Variants in PPIP5K2 observed in about 807,000 individuals in gnomAD.
The protein encoded by PPIP5K2 is diphosphoinositol pentakisphosphate kinase 2.
Under a neutral mutation model 154.6 loss-of-function variants are expected in PPIP5K2, and 105 were observed. The ratio of observed to expected loss-of-function variants is 0.68; its 90% CI spans 0.58 to 0.80. PPIP5K2 has a LOEUF of 0.80. Among genes scored for constraint, PPIP5K2 ranks in the 30% least tolerant of loss-of-function variants. PPIP5K2 has a pLI of 0.00. For synonymous variants in PPIP5K2, 480 were observed against 490.3 expected (o/e 0.98, Z 0.28); for missense variants, 992 against 1,504.6 (o/e 0.66, Z 5.64).
intron 26 of PPIP5K2, 55 bp downstream of exon 26, chr5:103,184,799 C>T: frequency 7.2e-7 from 1 of 1,387,408 alleles, no homozygotes; most frequent in Non-Finnish European, 1.0e-6. Context: ...CACTATTGTG[C>T]ACACATGTAA....
intron 1 of PPIP5K2, among the ~76,000 whole-genome samples, chr5:103,126,622 A>G (rs1487001007): frequency 2.0e-5 from 3 of 152,174 alleles, no homozygotes; most frequent in African/African-American, 7.2e-5. Flanking sequence ...GCTGAGGAGC[A>G]TGGAAGCCAA....
intron 13 of PPIP5K2, among the ~76,000 whole-genome samples, chr5:103,155,346 T>C (rs1252705178): frequency 6.7e-6 from 1 of 150,146 alleles, no homozygotes; most frequent in African/African-American, 2.4e-5. Flanking sequence ...TTCCTTTATT[T>C]CTTAAAACAC....
At chr5:103,160,069 T>A (rs1795985831) in intron 17 of PPIP5K2, among the ~76,000 whole-genome samples, 2 of 152,204 alleles carry the variant, frequency 1.3e-5, no homozygotes, top group Non-Finnish European at 2.9e-5. Context: ...GTCTTCTAGG[T>A]TCATCCATGT....
chr5:103,142,189 A>G (rs887114828), intron 5 of PPIP5K2, among the ~76,000 whole-genome samples: 35 of 152,334 alleles, frequency 2.3e-4, no homozygotes, highest in African/African-American at 8.4e-4. Context: ...GCGGGAAGGC[A>G]GCTAAGGCTC....
At chr5:103,162,823 T>C (rs1796521056) in intron 17 of PPIP5K2, among the ~76,000 whole-genome samples, 1 of 152,172 alleles carries the variant, frequency 6.6e-6, no homozygotes, top group Admixed American at 6.5e-5. Flanking sequence ...TGTTTTGCTC[T>C]TCACATTTAT....
rs2149894629 is a variant in PPIP5K2 at position 103,210,326 on chromosome 5, G to C, written c.*8692G>C. 6.6e-6 allele frequency: 1 copy of C among 152,256 alleles called. No homozygotes were observed. The highest frequency in any genetic ancestry group is 6.5e-5 in the Admixed American group (1 of 15,274). The allele number at this position is 152,256 out of a possible 1,614,324, so 9.4% of individuals were successfully genotyped here. A position where few individuals can be genotyped will look rare whatever the true frequency, so the allele number is the denominator to read the frequency against. On this transcript the variant is annotated 3_prime_UTR_variant, in exon 31 of 31. Transcript: ENST00000358359. ...TTTCCACAGGCTGAGCAAGAGGATA[G>C]ATCATTGAATAGATGCTTTAATTCC... is the stretch of plus-strand genomic sequence containing the variant.
rs1362088512 is a variant in PPIP5K2 at position 103,210,413 on chromosome 5, A to AT, written c.*8785dup. 5 of 152,026 alleles carry AT rather than the reference A, an allele frequency of 3.3e-5. No individual in the cohort carries two copies. Among genetic ancestry groups the AT allele is most frequent in the Non-Finnish European group, 7.4e-5 (5 of 67,972 alleles). The allele number at this position is 152,026 out of a possible 1,614,324, so 9.4% of individuals were successfully genotyped here. The stretch of plus-strand genomic sequence containing the variant: ...TATATTTAACCATGAGGTTATGATG[A>AT]TTTTTTCTCTACACTTTTTGAGAAG... On this transcript the variant is annotated 3_prime_UTR_variant, in exon 31 of 31. Transcript: ENST00000358359.
rs142649063 is a variant in PPIP5K2, at chr5:103,159,265, G to A, written c.1857G>A (p.Val619=). 30 of 1,613,538 alleles carry A rather than the reference G, an allele frequency of 1.9e-5. No homozygotes were observed. The African/African-American group carries it at 3.6e-4, about 19-fold the overall frequency. The change falls in exon 17 of 31, where the codon GTG becomes GTA. Residue 619 remains valine, a synonymous_variant. Transcript: ENST00000358359. The stretch of plus-strand genomic sequence containing the variant: ...CTCTGAGCAGTTGTCAGCAACGTGT[G>A]AAGGCAAGGCTTCATGAAATACTTC... The part of the protein sequence containing the change: ...SDSLSSCQQR[V]KARLHEILQK...
intron 5 of PPIP5K2, among the ~76,000 whole-genome samples, chr5:103,140,313 T>A (rs1792344662): frequency 6.6e-6 from 1 of 152,134 alleles, no homozygotes; most frequent in Admixed American, 6.5e-5. Flanking sequence ...CATAGAAGAA[T>A]ATGAAGATTT....
intron 24 of PPIP5K2, among the ~76,000 whole-genome samples, chr5:103,181,717 T>G (rs935236001): frequency 6.6e-6 from 1 of 152,166 alleles, no homozygotes; most frequent in East Asian, 1.9e-4. Flanking sequence ...AGGTATAGCA[T>G]TTTTTAGCAT....
intron 29 of PPIP5K2, 60 bp downstream of exon 29, chr5:103,191,042 G>A: frequency 6.7e-7 from 1 of 1,485,552 alleles, no homozygotes; most frequent in Non-Finnish European, 9.2e-7. Flanking sequence ...TACTATCTGA[G>A]TATAACAGGA....
chr5:103,186,901 GATCCTCTTAATGTTGTTAAT>G (rs1413098980), intron 27 of PPIP5K2, among the ~76,000 whole-genome samples: 126 of 152,212 alleles, frequency 8.3e-4, no homozygotes, highest in African/African-American at 3.0e-3. Context: ...AGCTGAAGGA[GATCCTCTTAATGTTGTTAAT>G]ATACCTTAAG....
chr5:103,194,008 C>T (rs1554227675), intron 29 of PPIP5K2, among the ~76,000 whole-genome samples: 2 of 152,192 alleles, frequency 1.3e-5, no homozygotes, highest in African/African-American at 4.8e-5. Context: ...TAAATTTCAA[C>T]TGGCTAATAT....
intron 3 of PPIP5K2, chr5:103,135,914 G>A (rs1179934263): frequency 2.7e-5 from 4 of 149,130 alleles, no homozygotes; most frequent in Non-Finnish European, 5.9e-5. Context: ...GCATGATTCT[G>A]CTCATATATT....
chr5:103,164,427 A>G (rs1213056481), intron 17 of PPIP5K2, among the ~76,000 whole-genome samples: 2 of 151,988 alleles, frequency 1.3e-5, no homozygotes, highest in Non-Finnish European at 2.9e-5. Flanking sequence ...CTGATTCTCG[A>G]AATTAATAAC....
chr5:103,155,406 CTTTTTTTTTTTTTTTTTT>C (rs70990423), intron 13 of PPIP5K2, among the ~76,000 whole-genome samples: 375 of 21,082 alleles, frequency 0.018, 2 homozygotes, highest in African/African-American at 0.024. Flanking sequence ...TCAGAGTTGT[CTTTTTTTTTTTTTTTTTT>C]TTTTTTTTTT....
chr5:103,152,900 A>C (rs1179167691), intron 10 of PPIP5K2, 151 bp downstream of exon 10: 1 of 520,146 alleles, frequency 1.9e-6, no homozygotes, highest in African/African-American at 2.0e-5. Context: ...GATTATACGT[A>C]TTTATAAGGG....
At chr5:103,122,860 G>T (rs1394414425) in intron 1 of PPIP5K2, among the ~76,000 whole-genome samples, 1 of 152,162 alleles carries the variant, frequency 6.6e-6, no homozygotes. Context: ...AATACTAGGT[G>T]GGACTGATGG....
chr5:103,190,838 C>T lies in PPIP5K2; in HGVS notation c.3353-4C>T. On this transcript the variant is annotated splice_region_variant and splice_polypyrimidine_tract_variant and intron_variant, in intron 28 of 30. Transcript: ENST00000358359. ...TTTTTGTTTTTGGTTTTTTTCTCTT[C>T]TAGGCTTTGAATTGTATTCCATGGT... The T allele has an allele frequency of 1.3e-6, 2 of 1,570,038 alleles. No homozygotes were observed. The highest frequency in any genetic ancestry group is 1.7e-6 in the Non-Finnish European group (2 of 1,164,414).
Sources: gnomAD v4.1 joint callset for allele counts (sites outside exome capture counted in the v4.1 genomes callset) on GRCh38, gnomAD v4.1.1 for gene constraint, MANE v1.5 for transcripts, NCBI Gene and HGNC (gene_info 2026-07-23, HGNC 2026-07-21) for gene names.